Variants in NUP210L observed in about 807,000 individuals in gnomAD.
NUP210L encodes nucleoporin 210 like.
Under a neutral mutation model 208.5 loss-of-function variants are expected in NUP210L, and 74 were observed. The observed-to-expected ratio is 0.35, with a 90% CI of 0.29 to 0.43. The LOEUF (loss-of-function observed/expected upper bound fraction) is 0.43. NUP210L is among the 20% of genes least tolerant of loss of function. The pLI is 1.00. For synonymous variants in NUP210L, 780 were observed against 816.9 expected (o/e 0.95, Z 0.77); for missense variants, 1,843 against 2,289.4 (o/e 0.81, Z 3.98).
At chr1:154,104,351 A>G in intron 12 of NUP210L, 141 bp from the exon 13 acceptor site, 1 of 672,350 alleles carries the variant, frequency 1.5e-6, no homozygotes, top group Non-Finnish European at 2.6e-6. Flanking sequence ...TCCATACAAG[A>G]AGTCACCTTC....
intron 17 of NUP210L, among the ~76,000 whole-genome samples, chr1:154,061,989 G>T (rs1165990517): frequency 1.3e-5 from 2 of 152,002 alleles, no homozygotes; most frequent in Non-Finnish European, 2.9e-5. Context: ...CACGATGCCT[G>T]GCTAATTTTT....
At chr1:154,007,293 G>T (rs148935934) in intron 35 of NUP210L, among the ~76,000 whole-genome samples, 1 of 149,668 alleles carries the variant, frequency 6.7e-6, no homozygotes, top group Non-Finnish European at 1.5e-5. Context: ...ACAGATTTTC[G>T]CTCTTGTTGC....
At chr1:154,035,852 G>T (rs6656452) in intron 27 of NUP210L, among the ~76,000 whole-genome samples, 1 of 151,950 alleles carries the variant, frequency 6.6e-6, no homozygotes, top group East Asian at 1.9e-4. Flanking sequence ...TCCTGCCTCA[G>T]CCTTCCAAGT....
intron 11 of NUP210L, among the ~76,000 whole-genome samples, chr1:154,118,260 G>A (rs779435951): frequency 2.0e-5 from 3 of 151,948 alleles, no homozygotes; most frequent in Non-Finnish European, 4.4e-5. Context: ...AGTGAGCCGA[G>A]ATTGCACCAT....
chr1:154,069,897 T>C (rs1654614726), intron 17 of NUP210L, among the ~76,000 whole-genome samples: 2 of 152,168 alleles, frequency 1.3e-5, no homozygotes, highest in African/African-American at 2.4e-5. Context: ...TCGTGTCCTT[T>C]GTAGGGACAT....
intron 16 of NUP210L, among the ~76,000 whole-genome samples, chr1:154,081,532 C>T (rs549291631): frequency 1.3e-5 from 2 of 152,094 alleles, no homozygotes; most frequent in Non-Finnish European, 2.9e-5. Flanking sequence ...GACAGAAAGA[C>T]CAATCATGTG....
exon 37 of NUP210L, chr1:154,001,009 G>A: frequency 8.1e-6 from 13 of 1,614,208 alleles, no homozygotes; most frequent in Non-Finnish European, 1.1e-5. Flanking sequence ...CCAGGAGTGA[G>A]GGGAGAGTGG....
intron 16 of NUP210L, among the ~76,000 whole-genome samples, chr1:154,081,513 T>C (rs1655323182): frequency 6.6e-6 from 1 of 151,874 alleles, no homozygotes; most frequent in Admixed American, 6.6e-5. Context: ...CAGGATGGAG[T>C]TGGATAAGGA....
At chr1:154,037,357 G>C (rs558999954) in intron 27 of NUP210L, among the ~76,000 whole-genome samples, 1 of 152,142 alleles carries the variant, frequency 6.6e-6, no homozygotes, top group South Asian at 2.1e-4. Context: ...ATATATCTGG[G>C]TACTCCAGTA....
At chr1:154,142,994 G>A (rs1462708774) in intron 3 of NUP210L, among the ~76,000 whole-genome samples, 1 of 151,720 alleles carries the variant, frequency 6.6e-6, no homozygotes, top group East Asian at 1.9e-4. Flanking sequence ...TTCAAGACCA[G>A]CTTGACCAAC....
intron 12 of NUP210L, among the ~76,000 whole-genome samples, chr1:154,108,416 C>T (rs190158456): frequency 6.6e-6 from 1 of 152,292 alleles, no homozygotes; most frequent in Non-Finnish European, 1.5e-5. Context: ...TATCCACCCA[C>T]CTCGGCATCC....
chr1:154,135,000 AG>A (rs1413127795), intron 7 of NUP210L, among the ~76,000 whole-genome samples: 1 of 151,264 alleles, frequency 6.6e-6, no homozygotes, highest in African/African-American at 2.4e-5. Context: ...GGCCTCCCAA[AG>A]TGCTGGGATT....
chr1:154,151,713 A>G (rs1659393020), intron 2 of NUP210L, among the ~76,000 whole-genome samples: 1 of 152,086 alleles, frequency 6.6e-6, no homozygotes, highest in African/African-American at 2.4e-5. Flanking sequence ...TGTGTTGCGC[A>G]GGCCAGGCAG....
At chr1:154,033,178 T>C (rs997554052) in intron 27 of NUP210L, among the ~76,000 whole-genome samples, 1 of 152,156 alleles carries the variant, frequency 6.6e-6, no homozygotes, top group African/African-American at 2.4e-5. Flanking sequence ...TTGCAAGTAT[T>C]TTCTCCCATT....
At position 154,086,649 on chromosome 1, in the gene NUP210L, G is replaced by GA. The variant is rs1017813553; in HGVS notation, c.2361+2771dup. Among the ~76,000 whole-genome samples the GA allele has an allele frequency of 2.5e-3, 350 of 140,666 alleles. 1 individual carries two copies. The highest frequency in any genetic ancestry group is 3.5e-3 in the Middle Eastern group (1 of 282). The allele number at this position is 140,666 out of a possible 152,430, so 92.3% of individuals were successfully genotyped here. A position where few individuals can be genotyped will look rare whatever the true frequency, so the allele number is the denominator to read the frequency against. ...AATATAGTGAGACCTCATCTCTACA[G>GA]AAAAAAAAAAAAATTAGCTGGGTAT... On this transcript the variant is annotated intron_variant, in intron 16 of 39. Coordinates refer to ENST00000368559, the Ensembl canonical transcript of NUP210L.
intron 7 of NUP210L, among the ~76,000 whole-genome samples, chr1:154,133,620 G>A (rs1458058190): frequency 1.3e-5 from 2 of 150,984 alleles, no homozygotes; most frequent in African/African-American, 4.9e-5. Flanking sequence ...CAGGTGAATC[G>A]CTTGAGTCCA....
intron 12 of NUP210L, among the ~76,000 whole-genome samples, chr1:154,107,070 C>T (rs1387263563): frequency 6.6e-6 from 1 of 151,998 alleles, no homozygotes; most frequent in Non-Finnish European, 1.5e-5. Context: ...ACCTTACAGA[C>T]AAAGAGTTCA....
chr1:154,094,147 G>A (rs1656069671), intron 15 of NUP210L, among the ~76,000 whole-genome samples: 1 of 152,300 alleles, frequency 6.6e-6, no homozygotes, highest in South Asian at 2.1e-4. Flanking sequence ...GCCAGGCGTG[G>A]TGGCGTGCAC....
intron 27 of NUP210L, 103 bp downstream of exon 27, chr1:154,045,966 C>G: frequency 9.4e-7 from 1 of 1,064,056 alleles, no homozygotes; most frequent in Non-Finnish European, 1.3e-6. Context: ...GCCTGGGGGA[C>G]AGAGTGAGAC....
Sources: gnomAD v4.1 joint callset for allele counts (sites outside exome capture counted in the v4.1 genomes callset) on GRCh38, gnomAD v4.1.1 for gene constraint, MANE v1.5 for transcripts, NCBI Gene and HGNC (gene_info 2026-07-23, HGNC 2026-07-21) for gene names.